The following ADAMTS17 variants were observed in gnomAD, a reference collection of about 807,000 sequenced individuals.
ADAMTS17 encodes ADAM metallopeptidase with thrombospondin type 1 motif 17, also known as A disintegrin and metalloproteinase with thrombospondin motifs 17.
In ADAMTS17, 113 loss-of-function variants were observed where a neutral mutation model predicts 141.5. That is an observed-to-expected ratio of 0.80 (90% CI 0.69 to 0.93). The LOEUF is 0.93. Ranked by LOEUF, ADAMTS17 falls within the 40% of genes least tolerant of loss-of-function variation. The pLI is 0.00. For synonymous variants in ADAMTS17, 768 were observed against 630.6 expected, an observed-to-expected ratio of 1.22 and a Z score of -3.27; for missense variants, 1,659 against 1,517.9, an observed-to-expected ratio of 1.09 and a Z score of -1.54.
intron 12 of ADAMTS17, among the ~76,000 whole-genome samples, chr15:100,124,460 G>C (rs541028633): frequency 6.6e-6 from 1 of 152,354 alleles, no homozygotes; most frequent in African/African-American, 2.4e-5. Flanking sequence ...CAAAACCAGA[G>C]AGAATTACTG....
chr15:99,974,141 C>A lies in ADAMTS17; in HGVS notation c.*261G>T. 1 of 537,628 alleles carries A rather than the reference C, an allele frequency of 1.9e-6. No homozygotes were observed. Among genetic ancestry groups the A allele is most frequent in the Non-Finnish European group, 3.4e-6 (1 of 297,618 alleles). The allele number at this position is 537,628 out of a possible 1,614,324, so 33.3% of individuals were successfully genotyped here. ...GTTGTCTGCCAGAGGTGCTTCCCTT[C>A]GAGGTACCTGAAATCCTAGAAATTG... On this transcript the variant is annotated 3_prime_UTR_variant, in exon 22 of 22. Coordinates refer to ENST00000268070, the MANE Select transcript of ADAMTS17 (RefSeq NM_139057.4).
chr15:100,024,228 G>C (rs1374190759), intron 18 of ADAMTS17, among the ~76,000 whole-genome samples: 3 of 152,152 alleles, frequency 2.0e-5, no homozygotes, highest in Non-Finnish European at 4.4e-5. Flanking sequence ...GAATAGCTGG[G>C]ACTACAAGCA....
chr15:100,150,379 TG>T (rs1022974391), intron 10 of ADAMTS17, among the ~76,000 whole-genome samples: 1 of 152,152 alleles, frequency 6.6e-6, no homozygotes, highest in Non-Finnish European at 1.5e-5. Flanking sequence ...CAGATACCCC[TG>T]GGCTCGCTTT....
rs78769097 is a variant in ADAMTS17 at position 100,117,058 on chromosome 15, A to T, written c.1722-45T>A. On this transcript the variant is annotated intron_variant, in intron 12 of 21. Transcript: ENST00000268070. The stretch of plus-strand genomic sequence containing the variant: ...CTGTGTTAACCAGGTGGTGCGACCA[A>T]AGGGCAGGAGAGCTGTTTCCGTCTC... 1,835 of 1,557,576 alleles carry T rather than the reference A, an allele frequency of 1.2e-3. 45 individuals are homozygous for T. In the East Asian group the frequency reaches 0.038, roughly 33 times the overall value.
At chr15:100,023,691 C>T (rs1207364374) in intron 18 of ADAMTS17, among the ~76,000 whole-genome samples, 1 of 152,176 alleles carries the variant, frequency 6.6e-6, no homozygotes, top group African/African-American at 2.4e-5. Flanking sequence ...GACTCTAGCA[C>T]AGAGCCTCGT....
Position 100,096,788 on chromosome 15 carries a change from G to T in ADAMTS17, c.2017-312C>A, listed in dbSNP as rs987618711. ...GAGGCCTGACGCCCTGACTGCCTGG[G>T]GGCAGAGACCCTGGGGAGAGAGTGA... On this transcript the variant is annotated intron_variant, in intron 14 of 21. Coordinates refer to ENST00000268070, the MANE Select transcript of ADAMTS17 (RefSeq NM_139057.4). Among the ~76,000 whole-genome samples, 10 of 152,356 alleles carry T rather than the reference G, an allele frequency of 6.6e-5. No homozygotes were observed. In the East Asian group the frequency reaches 1.5e-3, roughly 23 times the overall value.
chr15:100,096,058 C>T (rs145341814), intron 15 of ADAMTS17, among the ~76,000 whole-genome samples: 566 of 152,340 alleles, frequency 3.7e-3, no homozygotes, highest in Non-Finnish European at 4.8e-3. Flanking sequence ...CATCAGAAGG[C>T]GAGATGCCAG....
chr15:99,983,956 A>G (rs1323433808), intron 20 of ADAMTS17, among the ~76,000 whole-genome samples: 1 of 152,138 alleles, frequency 6.6e-6, no homozygotes, highest in Non-Finnish European at 1.5e-5. Context: ...GAGCGAGGAA[A>G]ACCTCGGAAG....
intron 7 of ADAMTS17, among the ~76,000 whole-genome samples, chr15:100,226,080 A>G (rs895158267): frequency 1.8e-4 from 27 of 146,310 alleles, no homozygotes; most frequent in Admixed American, 4.8e-4. Context: ...CTCTGTGCCC[A>G]TTCAGTCCTT....
intron 7 of ADAMTS17, among the ~76,000 whole-genome samples, chr15:100,245,545 C>G (rs951055606): frequency 2.0e-5 from 3 of 152,210 alleles, no homozygotes; most frequent in African/African-American, 7.2e-5. Context: ...AAAAACATAC[C>G]TACATATTTT....
At chr15:100,299,449 A>G (rs540056490) in intron 3 of ADAMTS17, among the ~76,000 whole-genome samples, 1 of 151,854 alleles carries the variant, frequency 6.6e-6, no homozygotes, top group East Asian at 1.9e-4. Context: ...AGCAAAGTCT[A>G]CTGCTGAAAG....
intron 15 of ADAMTS17, among the ~76,000 whole-genome samples, chr15:100,068,190 C>A (rs558618194): frequency 3.3e-5 from 5 of 152,276 alleles, no homozygotes; most frequent in African/African-American, 1.2e-4. Flanking sequence ...TGCAAGGCGG[C>A]AGTGAGGCTG....
intron 10 of ADAMTS17, among the ~76,000 whole-genome samples, chr15:100,140,377 C>T (rs750982977): frequency 6.6e-6 from 1 of 151,646 alleles, no homozygotes; most frequent in African/African-American, 2.4e-5. Flanking sequence ...AATTGTCTTA[C>T]AACAAAAAGT....
intron 8 of ADAMTS17, among the ~76,000 whole-genome samples, chr15:100,182,042 T>C (rs2040543699): frequency 6.6e-6 from 1 of 152,224 alleles, no homozygotes; most frequent in African/African-American, 2.4e-5. Flanking sequence ...TCCATGGGTG[T>C]CAGCTGAGCT....
In ADAMTS17 at chr15:100,048,888, G is replaced by C. The variant is rs780563389; in HGVS notation, c.2560C>G (p.Arg854Gly). ...PQASRPEPQVRRCNLHPCQSR... is the reference protein window; with the variant it reads ...PQASRPEPQVGRCNLHPCQSR... ...TGGCAGGGGTGCAAGTTGCACCTTC[G>C]GACCTGGGGCTCTGGGCGGCTTGCT... is the stretch of plus-strand genomic sequence containing the variant. The change falls in exon 18 of 22, where the codon CGA becomes GGA. Residue 854 changes from arginine to glycine, a missense_variant. Transcript: ENST00000268070. The C allele has an allele frequency of 1.9e-6, 3 of 1,614,064 alleles. No individual in the cohort carries two copies. Among genetic ancestry groups the C allele is most frequent in the Non-Finnish European group, 1.7e-6 (2 of 1,180,044 alleles).
chr15:100,103,920 T>C (rs921872762), intron 14 of ADAMTS17, among the ~76,000 whole-genome samples: 1 of 152,204 alleles, frequency 6.6e-6, no homozygotes, highest in Admixed American at 6.5e-5. Context: ...GGCCAGTGTA[T>C]AGGGAAGCAC....
intron 10 of ADAMTS17, among the ~76,000 whole-genome samples, chr15:100,144,267 C>T (rs912689695): frequency 2.6e-5 from 4 of 152,074 alleles, no homozygotes; most frequent in Non-Finnish European, 5.9e-5. Flanking sequence ...TCTGTGATTC[C>T]GTGGCTGGGC....
chr15:99,995,601 C>T lies in ADAMTS17; in HGVS notation c.2796+1784G>A, dbSNP rs148615250. ...TATTTGATCCTTCTTCTAATAAAGT[C>T]GGGAAGAAGCTGGGGAGTAGGTAGT... On this transcript the variant is annotated intron_variant, in intron 19 of 21. Transcript: ENST00000268070. 1.6e-3 allele frequency among the ~76,000 whole-genome samples: 241 copies of T among 152,260 alleles called. 1 individual carries two copies. The highest frequency in any genetic ancestry group is 0.014 in the Middle Eastern group (4 of 294).
chr15:100,245,593 T>C (rs2042962394), intron 7 of ADAMTS17, among the ~76,000 whole-genome samples: 1 of 152,236 alleles, frequency 6.6e-6, no homozygotes, highest in African/African-American at 2.4e-5. Context: ...TATGTAACCT[T>C]AGACACAACC....
Sources: gnomAD v4.1 joint callset for allele counts (sites outside exome capture counted in the v4.1 genomes callset) on GRCh38, gnomAD v4.1.1 for gene constraint, MANE v1.5 for transcripts, NCBI Gene and HGNC (gene_info 2026-07-23, HGNC 2026-07-21) for gene names.